Variants in ADGRB3 observed in about 807,000 individuals in gnomAD.
ADGRB3 encodes the protein brain-specific angiogenesis inhibitor 3.
Under a neutral mutation model 193.4 loss-of-function variants are expected in ADGRB3, and 37 were observed. That is an observed-to-expected ratio of 0.19 (90% confidence interval 0.15 to 0.25). The LOEUF is 0.25. Ranked by LOEUF, ADGRB3 falls within the 10% of genes least tolerant of loss-of-function variation. The pLI is 1.00. For synonymous variants in ADGRB3, 690 were observed against 644.2 expected, an observed-to-expected ratio of 1.07 and a Z score of -1.08; for missense variants, 1,637 against 1,852.9, an observed-to-expected ratio of 0.88 and a Z score of 2.14.
intron 3 of ADGRB3, among the ~76,000 whole-genome samples, chr6:68,673,637 G>A (rs1047180866): frequency 3.9e-5 from 6 of 151,966 alleles, no homozygotes; most frequent in African/African-American, 1.4e-4. Context: ...TTGTCACTGG[G>A]GTTTTACTAG....
chr6:69,381,896 C>T lies in ADGRB3; in HGVS notation c.4276-935C>T, dbSNP rs188678986. ...ATGAAGGCATAGTCTTGGAGAATCA[C>T]CAAAATATTGATTTTTAACTTTTAA... On this transcript the variant is annotated intron_variant, in intron 30 of 31. Coordinates refer to ENST00000370598, the MANE Select transcript of ADGRB3 (RefSeq NM_001704.3). 3.4e-3 allele frequency among the ~76,000 whole-genome samples: 515 copies of T among 151,830 alleles called. 2 individuals are homozygous for T. The highest frequency in any genetic ancestry group is 0.012 in the African/African-American group (483 of 41,474).
At chr6:68,811,759 C>T (rs548962156) in intron 3 of ADGRB3, among the ~76,000 whole-genome samples, 11 of 152,176 alleles carry the variant, frequency 7.2e-5, no homozygotes, top group South Asian at 4.2e-4. Context: ...CATCAGCCAC[C>T]GTGACCAGCC....
intron 3 of ADGRB3, among the ~76,000 whole-genome samples, chr6:68,784,245 T>G (rs1457150611): frequency 3.3e-5 from 5 of 152,124 alleles, no homozygotes; most frequent in Non-Finnish European, 7.4e-5. Context: ...GCCGTAAGTC[T>G]ACTAAATGGC....
chr6:69,031,550 T>TTTCTTTCTTTTTTTCTTTC, intron 13 of ADGRB3, among the ~76,000 whole-genome samples: 1 of 70,132 alleles, frequency 1.4e-5, no homozygotes, highest in East Asian at 3.8e-4. Flanking sequence ...TCTTTCTTTC[T>TTTCTTTCTTTTTTTCTTTC]TTTTCTTTCT....
At chr6:69,358,974 A>G (rs1245334646) in intron 28 of ADGRB3, among the ~76,000 whole-genome samples, 2 of 151,676 alleles carry the variant, frequency 1.3e-5, no homozygotes, top group East Asian at 3.9e-4. Context: ...CTTGATTGAA[A>G]TGTGTTGGCT....
At chr6:68,963,189 T>A (rs547971379) in intron 8 of ADGRB3, among the ~76,000 whole-genome samples, 257 of 152,154 alleles carry the variant, frequency 1.7e-3, no homozygotes, top group African/African-American at 6.0e-3. Context: ...AACTATGGAG[T>A]CCAACAAAGT....
intron 16 of ADGRB3, among the ~76,000 whole-genome samples, chr6:69,065,226 G>A (rs1247080618): frequency 6.6e-6 from 1 of 152,132 alleles, no homozygotes; most frequent in Non-Finnish European, 1.5e-5. Context: ...TTACAAAAAA[G>A]TGGATGGGGA....
chr6:69,195,962 G>T (rs1765285721), intron 17 of ADGRB3, among the ~76,000 whole-genome samples: 1 of 152,070 alleles, frequency 6.6e-6, no homozygotes, highest in African/African-American at 2.4e-5. Flanking sequence ...ATATCCATGA[G>T]CATAATAATT....
At chr6:68,674,212 G>A (rs1291856186) in intron 3 of ADGRB3, among the ~76,000 whole-genome samples, 2 of 152,076 alleles carry the variant, frequency 1.3e-5, no homozygotes, top group African/African-American at 4.8e-5. Context: ...GATGTTAATA[G>A]TGTGCTTTCT....
chr6:68,853,699 T>G (rs934421542), intron 3 of ADGRB3, among the ~76,000 whole-genome samples: 1 of 152,118 alleles, frequency 6.6e-6, no homozygotes. Context: ...GTTTAAAATG[T>G]CTTTGGTAGT....
chr6:68,706,243 G>A (rs1765324142), intron 3 of ADGRB3, among the ~76,000 whole-genome samples: 1 of 152,078 alleles, frequency 6.6e-6, no homozygotes, highest in Non-Finnish European at 1.5e-5. Flanking sequence ...TAGGGTCTGG[G>A]ACTTAGAGGA....
chr6:69,380,867 G>A (rs1003025813), intron 30 of ADGRB3, among the ~76,000 whole-genome samples: 11 of 151,770 alleles, frequency 7.2e-5, no homozygotes, highest in Admixed American at 1.3e-4. Flanking sequence ...TGTGATGCTT[G>A]TAAGCATGTA....
At chr6:69,254,529 A>G (rs1042911043) in intron 20 of ADGRB3, among the ~76,000 whole-genome samples, 4 of 152,042 alleles carry the variant, frequency 2.6e-5, no homozygotes, top group African/African-American at 9.7e-5. Context: ...TAGCATAACT[A>G]TCTTTATGTT....
intron 5 of ADGRB3, among the ~76,000 whole-genome samples, chr6:68,942,944 A>G (rs1230660041): frequency 3.9e-5 from 6 of 152,218 alleles, no homozygotes; most frequent in Admixed American, 3.9e-4. Flanking sequence ...TTTGCAAAAT[A>G]TAACAATACT....
chr6:69,241,922 T>C (rs1203375301), intron 20 of ADGRB3, among the ~76,000 whole-genome samples: 1 of 151,938 alleles, frequency 6.6e-6, no homozygotes, highest in Non-Finnish European at 1.5e-5. Flanking sequence ...AATTTTGCTT[T>C]ACTAGCTCTT....
chr6:69,161,034 G>A (rs1561938493), intron 17 of ADGRB3, among the ~76,000 whole-genome samples: 1 of 152,050 alleles, frequency 6.6e-6, no homozygotes, highest in Non-Finnish European at 1.5e-5. Context: ...AGGCAAGTTA[G>A]TTTATCTTTC....
intron 17 of ADGRB3, among the ~76,000 whole-genome samples, chr6:69,175,871 T>C (rs1775406153): frequency 6.6e-6 from 1 of 152,210 alleles, no homozygotes; most frequent in Non-Finnish European, 1.5e-5. Flanking sequence ...TTAGATGTAT[T>C]CCTAGGTATT....
chr6:69,254,215 G>A (rs1766697649), intron 20 of ADGRB3, among the ~76,000 whole-genome samples: 1 of 152,092 alleles, frequency 6.6e-6, no homozygotes, highest in African/African-American at 2.4e-5. Context: ...TTTAAAAGTA[G>A]GTAGTATTCT....
At chr6:69,209,214 C>A (rs1465793206) in intron 17 of ADGRB3, among the ~76,000 whole-genome samples, 5 of 152,172 alleles carry the variant, frequency 3.3e-5, no homozygotes, top group African/African-American at 7.2e-5. Context: ...TCAAAACTGG[C>A]GGCCTTTCAG....
Sources: allele counts gnomAD v4.1 joint callset (sites outside exome capture counted in the v4.1 genomes callset), GRCh38; gene constraint gnomAD v4.1.1; transcripts MANE v1.5; gene names NCBI Gene and HGNC (gene_info 2026-07-23, HGNC 2026-07-21).